LILRB4: variants seen among roughly 807,000 people sequenced by gnomAD.
LILRB4 encodes leukocyte immunoglobulin like receptor B4.
LILRB4 carries 49 observed loss-of-function variants against 55.2 expected under a neutral mutation model. The ratio of observed to expected loss-of-function variants is 0.89; its 90% CI spans 0.71 to 1.13. The LOEUF (loss-of-function observed/expected upper bound fraction) is 1.13, where lower values mean the gene tolerates loss of function less well. Ranked by LOEUF, LILRB4 falls within the 50% of genes most tolerant of loss-of-function variation. LILRB4 has a pLI of 0.00. For synonymous variants in LILRB4, 229 were observed against 213.8 expected, an observed-to-expected ratio of 1.07 and a Z score of -0.62; for missense variants, 590 against 555.2, an observed-to-expected ratio of 1.06 and a Z score of -0.63.
Position 54,666,146 on chromosome 19 carries a change from G to A in LILRB4, c.875-94G>A, listed in dbSNP as rs2065251047. On this transcript the variant is annotated intron_variant, in intron 7 of 11. Transcript: ENST00000430952. The surrounding 1 kb of genome is among the most constrained non-coding windows in gnomAD (Gnocchi z 4.8). ...GAAAGTATTTAAAACATCCTTGCAA[G>A]TGTATTTTCAGGTTTCCTTTCCTCT... is the stretch of plus-strand genomic sequence containing the variant. The A allele has an allele frequency of 1.5e-6, 2 of 1,333,184 alleles. No individual in the cohort carries two copies. Among genetic ancestry groups the A allele is most frequent in the Non-Finnish European group, 2.1e-6 (2 of 966,650 alleles). The allele number at this position is 1,333,184 out of a possible 1,614,324, so 82.6% of individuals were successfully genotyped here.
chr19:54,666,991 A>G lies in LILRB4; in HGVS notation c.1041+242A>G. The G allele has an allele frequency of 1.5e-6, 1 of 649,924 alleles. No homozygotes were observed. The highest frequency in any genetic ancestry group is 2.8e-6 in the Non-Finnish European group (1 of 353,136). 40.3% of individuals were successfully genotyped at this position (649,924 alleles called of 1,614,324 possible). On this transcript the variant is annotated intron_variant, in intron 10 of 11. Transcript: ENST00000430952. The surrounding 1 kb of genome is among the most constrained non-coding windows in gnomAD (Gnocchi z 4.8). ...CTGTTTGGCCATCTGGTTGTTAGAG[A>G]GCTCCCCAGGCCTCAGGAGGATGAC...
intron 10 of LILRB4, chr19:54,667,141 G>A (rs756898049): frequency 1.5e-4 from 89 of 577,252 alleles, no homozygotes; most frequent in Middle Eastern, 2.9e-4. Context: ...GAGCAAAGCC[G>A]CCCCCGCCTC....
exon 11 of LILRB4, chr19:54,667,700 G>A (rs1188407709): frequency 6.2e-7 from 1 of 1,610,832 alleles, no homozygotes; most frequent in Admixed American, 1.7e-5. Context: ...CCAGACCTAG[G>A]AGAGAAATGG....
At chr19:54,664,423 C>T in exon 4 of LILRB4, 1 of 1,610,934 alleles carries the variant, frequency 6.2e-7, no homozygotes, top group Non-Finnish European at 8.5e-7. Context: ...TGCTTCAGCT[C>T]ACACGGCTTC....
At position 54,666,801 on chromosome 19, in the gene LILRB4, A is replaced by C. The variant is rs776799117; in HGVS notation, c.1041+52A>C. 13 of 1,531,052 alleles carry C rather than the reference A, an allele frequency of 8.5e-6. No individual in the cohort carries two copies. The Admixed American group carries it at 2.2e-4, about 26-fold the overall frequency. 94.8% of individuals were successfully genotyped at this position (1,531,052 alleles called of 1,614,324 possible). A position where few individuals can be genotyped will look rare whatever the true frequency, so the allele number is the denominator to read the frequency against. ...CCAAAGGCCTCCTGGTGCCAGATCT[A>C]ATCCTGCAGGACTTCTCTGTCCTCC... is the stretch of plus-strand genomic sequence containing the variant. On this transcript the variant is annotated intron_variant, in intron 10 of 11. Coordinates refer to ENST00000430952, the Ensembl canonical transcript of LILRB4. The surrounding 1 kb of genome is among the most constrained non-coding windows in gnomAD (Gnocchi z 4.8).
Position 54,663,571 on chromosome 19 carries a change from A to G in LILRB4, c.70+4A>G. 6.2e-7 allele frequency: 1 copy of G among 1,613,178 alleles called. No individual in the cohort carries two copies. The highest frequency in any genetic ancestry group is 8.5e-7 in the Non-Finnish European group (1 of 1,179,966). On this transcript the variant is annotated splice_donor_region_variant and intron_variant, in intron 2 of 11. Coordinates refer to ENST00000430952, the Ensembl canonical transcript of LILRB4. ...CCCAGGACCCACATGCAGGCAGGTG[A>G]GTCTGTCCCCAGCTGTCCCAGGTCC...
chr19:54,667,530 C>T (rs939216367), intron 10 of LILRB4, 105 bp from the exon 11 acceptor site: 23 of 1,555,222 alleles, frequency 1.5e-5, no homozygotes, highest in East Asian at 4.5e-5. Flanking sequence ...CCTGAGATTC[C>T]GTCAGGAAAG....
In LILRB4 at chr19:54,665,478, G is replaced by A. The variant is rs2065224637; in HGVS notation, c.757+298G>A. ...GAGACGGTGACCTGGGGCAGGGGAG[G>A]GGAGCAGGGCGGTGGTTCAAGACAG... is the stretch of plus-strand genomic sequence containing the variant. On this transcript the variant is annotated intron_variant, in intron 6 of 11. Transcript: ENST00000430952. This position sits in a 1 kb window ranked among gnomAD's most constrained non-coding sequence, Gnocchi z 5.5. 6.6e-6 allele frequency among the ~76,000 whole-genome samples: 1 copy of A among 152,120 alleles called. No homozygotes were observed. The highest frequency in any genetic ancestry group is 2.4e-5 in the African/African-American group (1 of 41,410).
rs753353881 is a variant in LILRB4 at position 54,667,050 on chromosome 19, C to T, written c.1041+301C>T. 2.0e-4 allele frequency: 128 copies of T among 653,956 alleles called. 1 individual carries two copies. The highest frequency in any genetic ancestry group is 1.1e-3 in the Middle Eastern group (3 of 2,728). The allele number at this position is 653,956 out of a possible 1,614,324, so 40.5% of individuals were successfully genotyped here. On this transcript the variant is annotated intron_variant, in intron 10 of 11. Coordinates refer to ENST00000430952, the Ensembl canonical transcript of LILRB4. ...GAACCACTCCAGTCCCCTGGGCTCC[C>T]CTTCATTCATTCATCTAGTGAGTGT...
Position 54,666,525 on chromosome 19 carries a change from T to C in LILRB4, c.988+89T>C, listed in dbSNP as rs538106923. 32 of 1,530,780 alleles carry C rather than the reference T, an allele frequency of 2.1e-5. No individual in the cohort carries two copies. In the South Asian group the frequency reaches 3.1e-4, roughly 15 times the overall value. 94.8% of individuals were successfully genotyped at this position (1,530,780 alleles called of 1,614,324 possible). A position where few individuals can be genotyped will look rare whatever the true frequency, so the allele number is the denominator to read the frequency against. On this transcript the variant is annotated intron_variant, in intron 9 of 11. Transcript: ENST00000430952. This position sits in a 1 kb window ranked among gnomAD's most constrained non-coding sequence, Gnocchi z 4.8. ...ATGGGGGCAGGAGCACAGGCTAGGA[T>C]TGGTCAGGGACTCAGGGAGAAGTGG...
Position 54,666,583 on chromosome 19 carries a change from C to T in LILRB4, c.989-114C>T, listed in dbSNP as rs545238777. On this transcript the variant is annotated intron_variant, in intron 9 of 11. Coordinates refer to ENST00000430952, the Ensembl canonical transcript of LILRB4. This position sits in a 1 kb window ranked among gnomAD's most constrained non-coding sequence, Gnocchi z 4.8. Reference sequence around the variant, plus strand: ...CCACATTGTGGGACCTCGGGGACATCACAGCCCCTCCCTGCGTTGCAGTGG... The same window carrying T: ...CCACATTGTGGGACCTCGGGGACATTACAGCCCCTCCCTGCGTTGCAGTGG... The T allele has an allele frequency of 1.1e-5, 16 of 1,429,040 alleles. No individual in the cohort carries two copies. Among genetic ancestry groups the T allele is most frequent in the South Asian group, 2.5e-5 (2 of 80,696 alleles). 88.5% of individuals were successfully genotyped at this position (1,429,040 alleles called of 1,614,324 possible). A position where few individuals can be genotyped will look rare whatever the true frequency, so the allele number is the denominator to read the frequency against.
At chr19:54,663,173 G>C in intron 1 of LILRB4, 106 bp downstream of exon 1, 1 of 1,341,500 alleles carries the variant, frequency 7.5e-7, no homozygotes, top group South Asian at 1.4e-5. Flanking sequence ...GTAGCCGGGC[G>C]CGGTGGCTCA....
Position 54,667,147 on chromosome 19 carries a change from G to A in LILRB4, c.1041+398G>A, listed in dbSNP as rs917122531. 1.1e-4 allele frequency: 62 copies of A among 574,242 alleles called. No individual in the cohort carries two copies. The East Asian group carries it at 1.2e-3, about 11-fold the overall frequency. 35.6% of individuals were successfully genotyped at this position (574,242 alleles called of 1,614,324 possible). A position where few individuals can be genotyped will look rare whatever the true frequency, so the allele number is the denominator to read the frequency against. ...CACAGCAGGGAGCAAAGCCGCCCCC[G>A]CCTCCTGAGCTCACCTCGTGGTGGG... On this transcript the variant is annotated intron_variant, in intron 10 of 11. Coordinates refer to ENST00000430952, the Ensembl canonical transcript of LILRB4.
exon 12 of LILRB4, chr19:54,668,023 A>AG: frequency 6.2e-7 from 1 of 1,613,872 alleles, no homozygotes; most frequent in African/African-American, 1.3e-5. Context: ...CCACTAATCC[A>AG]GGGGGGACCC....
intron 1 of LILRB4, 122 bp downstream of exon 1, chr19:54,663,189 G>A: frequency 1.7e-6 from 2 of 1,146,488 alleles, no homozygotes; most frequent in Non-Finnish European, 2.4e-6. Context: ...GCTCACGCCT[G>A]TAATCCCAGC....
Position 54,666,883 on chromosome 19 carries a change from C to T in LILRB4, c.1041+134C>T, listed in dbSNP as rs973280190. On this transcript the variant is annotated intron_variant, in intron 10 of 11. Transcript: ENST00000430952. The surrounding 1 kb of genome is among the most constrained non-coding windows in gnomAD (Gnocchi z 4.8). Reference sequence around the variant, plus strand: ...CCCCTCCTTGTCCAGCACGCTGCCTCCTGCCTGCTGGGACCTCACTCTCTC... The same window carrying T: ...CCCCTCCTTGTCCAGCACGCTGCCTTCTGCCTGCTGGGACCTCACTCTCTC... 2.1e-5 allele frequency: 19 copies of T among 926,594 alleles called. No homozygotes were observed. The highest frequency in any genetic ancestry group is 2.5e-5 in the Non-Finnish European group (14 of 554,198). The allele number at this position is 926,594 out of a possible 1,614,324, so 57.4% of individuals were successfully genotyped here.
At position 54,664,796 on chromosome 19, in the gene LILRB4, C is replaced by T. The variant is rs73933938; in HGVS notation, c.656-3C>T. The T allele has an allele frequency of 5.1e-4, 813 of 1,582,890 alleles. 4 individuals carry two copies. In the African/African-American group the frequency reaches 9.6e-3, roughly 19 times the overall value. On this transcript the variant is annotated splice_region_variant and splice_polypyrimidine_tract_variant and intron_variant, in intron 4 of 11. Coordinates refer to ENST00000430952, the Ensembl canonical transcript of LILRB4. ...CTCACCCTCCTCTTGTCCTTCTACCCAGGATCCTTGGAGGGTCCCAGGCCC... is the reference window on the plus strand; with the variant it reads ...CTCACCCTCCTCTTGTCCTTCTACCTAGGATCCTTGGAGGGTCCCAGGCCC...
Position 54,665,910 on chromosome 19 carries a change from C to T in LILRB4, c.853C>T (p.Gln285Ter), listed in dbSNP as rs770778905. 6.2e-7 allele frequency: 1 copy of T among 1,613,846 alleles called. No homozygotes were observed. Among genetic ancestry groups the T allele is most frequent in the Non-Finnish European group, 8.5e-7 (1 of 1,179,974 alleles). ...CTTCCTCCTCCTCCAACACTGGCGT[C>T]AGGGAAAACACAGGACATTGGGTAA... is the stretch of plus-strand genomic sequence containing the variant. The change falls in exon 7 of 12, where the codon CAG becomes TAG. Residue 285 changes from glutamine (Q) to a stop codon, truncating the protein, a stop_gained. Transcript: ENST00000430952. LOFTEE classifies it high-confidence loss of function. This position sits in a 1 kb window ranked among gnomAD's most constrained non-coding sequence, Gnocchi z 5.5.
chr19:54,668,132 AC>A, exon 12 of LILRB4: 1 of 1,243,322 alleles, frequency 8.0e-7, no homozygotes. Context: ...CCTGACACAG[AC>A]CACTAGAAGA....
Sources: gnomAD v4.1 joint callset for allele counts (sites outside exome capture counted in the v4.1 genomes callset) on GRCh38, gnomAD v4.1.1 for gene constraint, Gnocchi (gnomAD v3.1) non-coding constraint, MANE v1.5 for transcripts, NCBI Gene and HGNC (gene_info 2026-07-23, HGNC 2026-07-21) for gene names.